Variants in CTNNA3 observed in about 807,000 individuals in gnomAD.
CTNNA3 encodes catenin alpha-3.
CTNNA3 carries 76 observed loss-of-function variants against 95.7 expected under a neutral mutation model. The observed-to-expected ratio is 0.79, with a 90% CI of 0.66 to 0.96. The LOEUF (loss-of-function observed/expected upper bound fraction) is 0.96. Among genes scored for constraint, CTNNA3 ranks in the 40% least tolerant of loss-of-function variants. The pLI is 0.00. For missense variants in CTNNA3, 1,191 were observed against 1,089.8 expected (o/e 1.09, Z -1.31); for synonymous variants, 431 against 374.4 (o/e 1.15, Z -1.74).
rs191466063 is a variant in CTNNA3, at chr10:66,541,999, A to G, written c.1375-21226T>C. Among the ~76,000 whole-genome samples, 791 of 152,238 alleles carry G rather than the reference A, an allele frequency of 5.2e-3. 22 individuals carry two copies. The highest frequency in any genetic ancestry group is 0.045 in the Admixed American group (693 of 15,286). On this transcript the variant is annotated intron_variant, in intron 10 of 17. Transcript: ENST00000433211. ...TTTGCAATCTGCTTATCTGACAAAG[A>G]GCTAATATCCAGAATCCACAAAGAG... is the stretch of plus-strand genomic sequence containing the variant.
chr10:67,028,151 G>A (rs114371473), intron 7 of CTNNA3, among the ~76,000 whole-genome samples: 1 of 152,132 alleles, frequency 6.6e-6, no homozygotes, highest in Non-Finnish European at 1.5e-5. Flanking sequence ...CACTGCATTG[G>A]ACAACTTTAT....
At chr10:66,428,733 A>C (rs1418349223) in intron 11 of CTNNA3, among the ~76,000 whole-genome samples, 1 of 152,144 alleles carries the variant, frequency 6.6e-6, no homozygotes, top group East Asian at 1.9e-4. Flanking sequence ...ATACTAGAAT[A>C]TCTGGGACAC....
At chr10:66,023,862 G>A (rs981751972) in intron 15 of CTNNA3, among the ~76,000 whole-genome samples, 12 of 151,778 alleles carry the variant, frequency 7.9e-5, no homozygotes, top group Admixed American at 5.9e-4. Context: ...TCTCCTTTTA[G>A]AAAAAAAATT....
chr10:66,253,488 T>G (rs2090639936), intron 13 of CTNNA3, among the ~76,000 whole-genome samples: 1 of 152,154 alleles, frequency 6.6e-6, no homozygotes, highest in Non-Finnish European at 1.5e-5. Flanking sequence ...ACTATCCAAT[T>G]ATAAACTTAG....
At chr10:66,751,998 T>C (rs547559636) in intron 9 of CTNNA3, among the ~76,000 whole-genome samples, 1 of 152,300 alleles carries the variant, frequency 6.6e-6, no homozygotes, top group African/African-American at 2.4e-5. Context: ...ATTGGAGAAC[T>C]CAATACTGTT....
chr10:66,949,037 T>C (rs146698567), intron 7 of CTNNA3, among the ~76,000 whole-genome samples: 329 of 152,322 alleles, frequency 2.2e-3, no homozygotes, highest in Non-Finnish European at 3.1e-3. Context: ...GCATGTAATC[T>C]TGCAAACAAA....
chr10:66,823,132 T>A (rs1004451063), intron 7 of CTNNA3, among the ~76,000 whole-genome samples: 1 of 152,186 alleles, frequency 6.6e-6, no homozygotes, highest in Non-Finnish European at 1.5e-5. Flanking sequence ...TGCAGAACTG[T>A]GTTTAGGAGT....
intron 5 of CTNNA3, among the ~76,000 whole-genome samples, chr10:67,461,188 A>G (rs1847360228): frequency 6.6e-6 from 1 of 152,194 alleles, no homozygotes; most frequent in Admixed American, 6.5e-5. Flanking sequence ...TAGAATGAAC[A>G]CACTATAGAG....
intron 6 of CTNNA3, among the ~76,000 whole-genome samples, chr10:67,182,726 G>T (rs1259692688): frequency 6.6e-6 from 1 of 152,112 alleles, no homozygotes; most frequent in Non-Finnish European, 1.5e-5. Flanking sequence ...CACAGCAAAA[G>T]AAACTACCAT....
intron 7 of CTNNA3, among the ~76,000 whole-genome samples, chr10:67,094,522 A>T (rs1348815630): frequency 6.6e-6 from 1 of 151,826 alleles, no homozygotes; most frequent in Admixed American, 6.6e-5. Context: ...TACCTAAATC[A>T]CTTGGTCCTT....
chr10:66,313,438 G>C (rs2092051983), intron 12 of CTNNA3, among the ~76,000 whole-genome samples: 1 of 152,120 alleles, frequency 6.6e-6, no homozygotes, highest in Non-Finnish European at 1.5e-5. Flanking sequence ...CATTAACTTT[G>C]TTTTCAGACT....
chr10:67,722,738 T>C (rs557202262), intron 1 of CTNNA3, among the ~76,000 whole-genome samples: 1 of 152,310 alleles, frequency 6.6e-6, no homozygotes, highest in African/African-American at 2.4e-5. Flanking sequence ...TCTTATCCCT[T>C]ATAGAACACC....
chr10:66,321,759 C>T (rs1017912681), intron 12 of CTNNA3, among the ~76,000 whole-genome samples: 6 of 152,032 alleles, frequency 3.9e-5, no homozygotes, highest in African/African-American at 1.2e-4. Flanking sequence ...AAAAAATTCT[C>T]GCTATTTTAA....
At chr10:66,100,310 A>G (rs1047978107) in intron 14 of CTNNA3, among the ~76,000 whole-genome samples, 1 of 152,172 alleles carries the variant, frequency 6.6e-6, no homozygotes, top group Non-Finnish European at 1.5e-5. Flanking sequence ...CGTGCCTCAT[A>G]TAAGGTTGTA....
intron 11 of CTNNA3, among the ~76,000 whole-genome samples, chr10:66,424,971 C>T (rs1156580104): frequency 6.6e-6 from 1 of 151,974 alleles, no homozygotes; most frequent in East Asian, 1.9e-4. Context: ...AAAATTAAAA[C>T]TCATTTTTCC....
chr10:67,099,326 G>T (rs1312098563), intron 7 of CTNNA3: 2 of 149,238 alleles, frequency 1.3e-5, no homozygotes, highest in South Asian at 2.1e-4. Context: ...GCATTCTTGT[G>T]TTTTTTTTTA....
chr10:67,414,337 A>C (rs1825604241), intron 5 of CTNNA3, among the ~76,000 whole-genome samples: 1 of 152,190 alleles, frequency 6.6e-6, no homozygotes, highest in South Asian at 2.1e-4. Flanking sequence ...ATCTAAAGGA[A>C]ATGGATAAAT....
chr10:66,987,343 GGAA>G (rs1449563909), intron 7 of CTNNA3, among the ~76,000 whole-genome samples: 9 of 152,142 alleles, frequency 5.9e-5, no homozygotes, highest in Non-Finnish European at 1.2e-4. Context: ...GATGAGAGAT[GGAA>G]GAAGTGATCA....
intron 11 of CTNNA3, among the ~76,000 whole-genome samples, chr10:66,409,290 T>C (rs2093081987): frequency 6.6e-6 from 1 of 152,174 alleles, no homozygotes; most frequent in Non-Finnish European, 1.5e-5. Flanking sequence ...GAATTTAGAT[T>C]GCTCTAACTT....
Sources: gnomAD v4.1 joint callset for allele counts (sites outside exome capture counted in the v4.1 genomes callset) on GRCh38, gnomAD v4.1.1 for gene constraint, MANE v1.5 for transcripts, NCBI Gene and HGNC (gene_info 2026-07-23, HGNC 2026-07-21) for gene names.